The following DGKI variants were observed in gnomAD, a reference collection of about 807,000 sequenced individuals.
DGKI encodes diacylglycerol kinase iota, also known as DAG kinase iota.
A neutral mutation model predicts 147.5 loss-of-function variants in DGKI; 55 were observed. That is an observed-to-expected ratio of 0.37 (90% confidence interval 0.30 to 0.47). The LOEUF is 0.47. Among genes scored for constraint, DGKI ranks in the 20% least tolerant of loss-of-function variants. DGKI has a pLI of 1.00. For missense variants in DGKI, 1,007 were observed against 1,323.8 expected (o/e 0.76, Z 3.71); for synonymous variants, 469 against 477.1 (o/e 0.98, Z 0.22).
intron 19 of DGKI, among the ~76,000 whole-genome samples, chr7:137,555,038 C>T (rs1646380): frequency 0.11 from 16,222 of 150,290 alleles, 1,979 homozygotes; most frequent in African/African-American, 0.3. Context: ...TGCCTCAGCC[C>T]CCTGAGTAGC....
intron 22 of DGKI, among the ~76,000 whole-genome samples, chr7:137,487,179 G>A (rs909405932): frequency 6.6e-6 from 1 of 152,028 alleles, no homozygotes; most frequent in East Asian, 1.9e-4. Flanking sequence ...GAGATGTAGA[G>A]GATTTTTCTT....
intron 21 of DGKI, among the ~76,000 whole-genome samples, chr7:137,507,937 G>A (rs1306405896): frequency 6.6e-6 from 1 of 152,144 alleles, no homozygotes; most frequent in Non-Finnish European, 1.5e-5. Context: ...GAGTTTTTGA[G>A]ACAAAAGGAA....
chr7:137,651,091 G>C (rs1242402257), intron 5 of DGKI, among the ~76,000 whole-genome samples: 1 of 152,152 alleles, frequency 6.6e-6, no homozygotes, highest in East Asian at 1.9e-4. Context: ...TTTTAAGCCA[G>C]GGAAAATTAT....
intron 1 of DGKI, among the ~76,000 whole-genome samples, chr7:137,741,253 T>A (rs542745686): frequency 1.6e-4 from 24 of 152,354 alleles, no homozygotes; most frequent in African/African-American, 5.8e-4. Flanking sequence ...ATAAGAGTGC[T>A]AAAGTCAGGT....
rs183776249 is a variant in DGKI, at chr7:137,589,497, C to T, written c.1312-2287G>A. On this transcript the variant is annotated intron_variant, in intron 12 of 32. Coordinates refer to ENST00000614521, the MANE Select transcript of DGKI (RefSeq NM_001321708.2). ...AGAGCTTCTTTAGTCTCTTCTTTTA[C>T]GTGCAATACCAACAAAGCTGGCTAC... 1.8e-3 allele frequency among the ~76,000 whole-genome samples: 274 copies of T among 152,280 alleles called. 1 individual carries two copies. Among genetic ancestry groups the T allele is most frequent in the African/African-American group, 6.2e-3 (256 of 41,548 alleles).
At chr7:137,640,711 A>G (rs1821594798) in intron 6 of DGKI, among the ~76,000 whole-genome samples, 1 of 152,190 alleles carries the variant, frequency 6.6e-6, no homozygotes, top group South Asian at 2.1e-4. Flanking sequence ...CTACCCATGT[A>G]ATATCCCAAC....
intron 1 of DGKI, among the ~76,000 whole-genome samples, chr7:137,747,887 A>T (rs12670558): frequency 0.043 from 6,485 of 152,288 alleles, 299 homozygotes; most frequent in East Asian, 0.14. Flanking sequence ...TTGTTTTGCT[A>T]AATTGATCAG....
intron 26 of DGKI, 42 bp downstream of exon 26, chr7:137,465,866 C>T: frequency 6.3e-7 from 1 of 1,590,120 alleles, no homozygotes. Context: ...ACATGGATGT[C>T]ACCCTAAGGC....
At chr7:137,654,852 G>GAA (rs376136379) in intron 4 of DGKI, 64 bp from the exon 5 acceptor site, 1,379 of 690,422 alleles carry the variant, frequency 2.0e-3, no homozygotes, top group South Asian at 4.0e-3. Flanking sequence ...TGAATTACCT[G>GAA]AAAAAAAAAA....
rs1033606216 is a variant in DGKI, at chr7:137,759,347, C to A, written c.402-69345G>T. Among the ~76,000 whole-genome samples, 3 of 133,674 alleles carry A rather than the reference C, an allele frequency of 2.2e-5. 1 individual carries two copies. The highest frequency in any genetic ancestry group is 2.2e-4 in the Admixed American group (3 of 13,626). The allele number at this position is 133,674 out of a possible 152,430, so 87.7% of individuals were successfully genotyped here. A position where few individuals can be genotyped will look rare whatever the true frequency, so the allele number is the denominator to read the frequency against. ...CTGCTCTACATTCTTTTTTTTTTTT[C>A]TTTATTTTTTTGAGATGAAGTCTCA... On this transcript the variant is annotated intron_variant, in intron 1 of 32. Coordinates refer to ENST00000614521, the MANE Select transcript of DGKI (RefSeq NM_001321708.2).
chr7:137,465,227 A>G (rs908600533), intron 26 of DGKI, among the ~76,000 whole-genome samples: 3 of 152,228 alleles, frequency 2.0e-5, no homozygotes, highest in African/African-American at 7.2e-5. Context: ...TAATTGTACC[A>G]AATTTTCAAG....
chr7:137,480,735 T>C (rs1248543058), intron 23 of DGKI, among the ~76,000 whole-genome samples: 1 of 152,184 alleles, frequency 6.6e-6, no homozygotes, highest in African/African-American at 2.4e-5. Context: ...TTAGAGAAAG[T>C]AATCACCTGG....
intron 12 of DGKI, among the ~76,000 whole-genome samples, chr7:137,593,120 G>T (rs1488432803): frequency 6.6e-6 from 1 of 152,176 alleles, no homozygotes; most frequent in Non-Finnish European, 1.5e-5. Flanking sequence ...CAAGAAATAA[G>T]CATGAAGTGG....
At chr7:137,499,886 C>T (rs1816108780) in intron 21 of DGKI, among the ~76,000 whole-genome samples, 1 of 152,114 alleles carries the variant, frequency 6.6e-6, no homozygotes, top group South Asian at 2.1e-4. Context: ...AGAACCTGGA[C>T]TAACACACAC....
intron 6 of DGKI, among the ~76,000 whole-genome samples, chr7:137,630,994 G>T (rs28386845): frequency 0.03 from 4,566 of 150,980 alleles, 205 homozygotes; most frequent in African/African-American, 0.1. Context: ...GGTTTTTTTT[G>T]AAAAAAAGAC....
intron 19 of DGKI, among the ~76,000 whole-genome samples, chr7:137,559,361 G>A (rs1818339878): frequency 1.3e-5 from 2 of 152,052 alleles, no homozygotes; most frequent in East Asian, 1.9e-4. Flanking sequence ...GTGAGCCACC[G>A]CGCCTGGCCT....
chr7:137,818,669 A>G (rs1286019351), intron 1 of DGKI, among the ~76,000 whole-genome samples: 1 of 151,974 alleles, frequency 6.6e-6, no homozygotes, highest in Non-Finnish European at 1.5e-5. Flanking sequence ...CTTGAACTCC[A>G]GACCTCAGGT....
At chr7:137,668,970 G>C (rs1178515867) in intron 3 of DGKI, among the ~76,000 whole-genome samples, 1 of 152,204 alleles carries the variant, frequency 6.6e-6, no homozygotes, top group African/African-American at 2.4e-5. Flanking sequence ...CCAGCCTGCT[G>C]TTATATATGC....
chr7:137,767,866 G>A lies in DGKI; in HGVS notation c.402-77864C>T, dbSNP rs112933345. On this transcript the variant is annotated intron_variant, in intron 1 of 32. Transcript: ENST00000614521. ...AGTTAATACATGTCTAAAGCTCTTC[G>A]ACAGTGTCTTGCACCCAGAAAATAC... is the stretch of plus-strand genomic sequence containing the variant. Among the ~76,000 whole-genome samples, 4 of 152,210 alleles carry A rather than the reference G, an allele frequency of 2.6e-5. 2 individuals are homozygous for A. Among genetic ancestry groups the A allele is most frequent in the African/African-American group, 9.6e-5 (4 of 41,536 alleles).
Sources: allele counts gnomAD v4.1 joint callset (sites outside exome capture counted in the v4.1 genomes callset), GRCh38; gene constraint gnomAD v4.1.1; transcripts MANE v1.5; gene names NCBI Gene and HGNC (gene_info 2026-07-23, HGNC 2026-07-21).